FNIP2: variants seen among roughly 807,000 people sequenced by gnomAD.
FNIP2 encodes the protein folliculin interacting protein 2.
A neutral mutation model predicts 108.7 loss-of-function variants in FNIP2; 32 were observed. The observed-to-expected ratio is 0.29, with a 90% CI of 0.22 to 0.40. The LOEUF is 0.40. Ranked by LOEUF, FNIP2 falls within the 10% of genes least tolerant of loss-of-function variation. The pLI, the probability that FNIP2 is intolerant of heterozygous loss-of-function variation, is 1.00. For missense variants in FNIP2, 1,202 were observed against 1,381.6 expected (o/e 0.87, Z 2.06); for synonymous variants, 480 against 496.7 (o/e 0.97, Z 0.45).
At chr4:158,774,346 T>C (rs1305999644) in intron 1 of FNIP2, among the ~76,000 whole-genome samples, 1 of 152,234 alleles carries the variant, frequency 6.6e-6, no homozygotes, top group Admixed American at 6.5e-5. Context: ...GTGTTACTTT[T>C]GTGATTTGGA....
chr4:158,818,013 G>A (rs981295716), intron 1 of FNIP2, among the ~76,000 whole-genome samples: 1 of 152,204 alleles, frequency 6.6e-6, no homozygotes, highest in African/African-American at 2.4e-5. Flanking sequence ...TGTGGGTAGT[G>A]GTGCTGTAAG....
At chr4:158,815,487 G>T (rs1368784645) in intron 1 of FNIP2, among the ~76,000 whole-genome samples, 1 of 150,266 alleles carries the variant, frequency 6.7e-6, no homozygotes, top group Non-Finnish European at 1.5e-5. Flanking sequence ...GGTTCACGCC[G>T]TTCTCCTGTC....
At chr4:158,893,059 G>A (rs774860874) in intron 15 of FNIP2, 1 of 152,276 alleles carries the variant, frequency 6.6e-6, no homozygotes, top group Non-Finnish European at 1.5e-5. Context: ...CTGGGTTATG[G>A]TCTAGGCTTT....
intron 10 of FNIP2, 29 bp from the exon 11 acceptor site, chr4:158,861,313 T>C (rs998647120): frequency 1.9e-6 from 3 of 1,591,376 alleles, no homozygotes; most frequent in Admixed American, 1.8e-5. Context: ...TCTGACACTT[T>C]TGTGTTTCCC....
At chr4:158,824,841 C>G (rs1364863967) in intron 1 of FNIP2, among the ~76,000 whole-genome samples, 1 of 152,162 alleles carries the variant, frequency 6.6e-6, no homozygotes, top group Non-Finnish European at 1.5e-5. Flanking sequence ...ACCTCCTTCT[C>G]TGTTCCTATG....
chr4:158,848,011 TTC>T (rs1779499931), intron 7 of FNIP2, among the ~76,000 whole-genome samples: 1 of 152,158 alleles, frequency 6.6e-6, no homozygotes, highest in African/African-American at 2.4e-5. Flanking sequence ...TTCGTAAGGT[TTC>T]TGACTCCAGG....
intron 14 of FNIP2, chr4:158,872,136 A>G: frequency 1.0e-6 from 1 of 985,306 alleles, no homozygotes; most frequent in Non-Finnish European, 1.2e-6. Context: ...AACTAATGGG[A>G]TTGTCCTCAG....
chr4:158,869,380 G>T lies in FNIP2; in HGVS notation c.2744G>T (p.Gly915Val). 1 of 1,610,736 alleles carries T rather than the reference G, an allele frequency of 6.2e-7. No individual in the cohort carries two copies. Among genetic ancestry groups the T allele is most frequent in the Non-Finnish European group, 8.5e-7 (1 of 1,178,800 alleles). The change falls in exon 13 of 17, where the codon GGT becomes GTT. Residue 915 changes from glycine (G) to valine (V), a missense_variant. Coordinates refer to ENST00000264433, the MANE Select transcript of FNIP2 (RefSeq NM_020840.3). ...CASAMLDLGH[G>V]GDRTGGSLEV... ...TCAGCCATGCTAGATCTGGGTCACG[G>T]TGGTGACAGGACTGGAGGGTCCTTG...
intron 1 of FNIP2, among the ~76,000 whole-genome samples, chr4:158,783,294 C>T (rs978544046): frequency 2.6e-5 from 4 of 152,150 alleles, no homozygotes; most frequent in South Asian, 2.1e-4. Context: ...GAAAGCATTG[C>T]CATAGTGTTT....
At chr4:158,885,328 T>G (rs1168018196) in intron 14 of FNIP2, among the ~76,000 whole-genome samples, 1 of 152,082 alleles carries the variant, frequency 6.6e-6, no homozygotes, top group Non-Finnish European at 1.5e-5. Context: ...GGGGTCTTAT[T>G]GGGAACTGAA....
intron 3 of FNIP2, 75 bp from the exon 4 acceptor site, chr4:158,831,786 T>TA (rs1778498128): frequency 1.1e-6 from 1 of 934,462 alleles, no homozygotes; most frequent in African/African-American, 1.6e-5. Context: ...CTAACGAGAT[T>TA]AATAAACATT....
chr4:158,858,541 T>A (rs1033465281), intron 8 of FNIP2, among the ~76,000 whole-genome samples: 2 of 152,140 alleles, frequency 1.3e-5, no homozygotes, highest in Non-Finnish European at 2.9e-5. Flanking sequence ...TTGGAGGATT[T>A]TCAGAGAGCT....
At chr4:158,882,381 G>C (rs999049633) in intron 14 of FNIP2, among the ~76,000 whole-genome samples, 6 of 149,860 alleles carry the variant, frequency 4.0e-5, no homozygotes, top group Non-Finnish European at 8.9e-5. Flanking sequence ...GAGGGAGGTG[G>C]GGGGCGCCTC....
chr4:158,842,776 A>C (rs542584672), intron 7 of FNIP2, among the ~76,000 whole-genome samples: 4 of 152,150 alleles, frequency 2.6e-5, no homozygotes, highest in African/African-American at 9.7e-5. Context: ...CAAGGTGGTA[A>C]GAACATTGGC....
At chr4:158,784,092 T>C (rs558025262) in intron 1 of FNIP2, among the ~76,000 whole-genome samples, 5 of 152,218 alleles carry the variant, frequency 3.3e-5, no homozygotes, top group African/African-American at 7.2e-5. Context: ...CAAGGAGAAG[T>C]TGGTTTTGTA....
At chr4:158,838,119 GCC>G (rs1429309841) in intron 7 of FNIP2, among the ~76,000 whole-genome samples, 1 of 152,052 alleles carries the variant, frequency 6.6e-6, no homozygotes, top group Non-Finnish European at 1.5e-5. Flanking sequence ...AGGGATGAAG[GCC>G]CAAGTTCTGA....
At chr4:158,774,744 G>A (rs564401172) in intron 1 of FNIP2, among the ~76,000 whole-genome samples, 1 of 152,196 alleles carries the variant, frequency 6.6e-6, no homozygotes, top group African/African-American at 2.4e-5. Flanking sequence ...TCAGAGTACA[G>A]TTAGGAGCTG....
At chr4:158,840,303 A>T (rs977601781) in intron 7 of FNIP2, among the ~76,000 whole-genome samples, 2 of 152,186 alleles carry the variant, frequency 1.3e-5, no homozygotes, top group African/African-American at 4.8e-5. Context: ...AAATGTCTAC[A>T]TGTTCTCCAG....
intron 16 of FNIP2, among the ~76,000 whole-genome samples, chr4:158,896,124 A>G (rs764246243): frequency 6.6e-6 from 1 of 152,162 alleles, no homozygotes; most frequent in Non-Finnish European, 1.5e-5. Flanking sequence ...GGATTATCTT[A>G]TGCTTGAAAA....
Sources: gnomAD v4.1 joint callset for allele counts (sites outside exome capture counted in the v4.1 genomes callset) on GRCh38, gnomAD v4.1.1 for gene constraint, MANE v1.5 for transcripts, NCBI Gene and HGNC (gene_info 2026-07-23, HGNC 2026-07-21) for gene names.